SPNS2: variants seen among roughly 807,000 people sequenced by gnomAD.
SPNS2 encodes SPNS lysolipid transporter 2, sphingosine-1-phosphate.
In SPNS2, 37 loss-of-function variants were observed where a neutral mutation model predicts 57.6. That is an observed-to-expected ratio of 0.64 (90% CI 0.49 to 0.85). The LOEUF (loss-of-function observed/expected upper bound fraction) is 0.85, where lower values mean the gene tolerates loss of function less well. SPNS2 is among the 40% of genes least tolerant of loss of function. The pLI, the probability that SPNS2 is intolerant of heterozygous loss-of-function variation, is 0.00. For synonymous variants in SPNS2, 440 were observed against 346.9 expected, an observed-to-expected ratio of 1.27 and a Z score of -2.98; for missense variants, 831 against 779.1, an observed-to-expected ratio of 1.07 and a Z score of -0.79.
At chr17:4,525,027 GC>G (rs763993042) in intron 2 of SPNS2, 29 bp from the exon 3 acceptor site, 4 of 1,607,402 alleles carry the variant, frequency 2.5e-6, no homozygotes, top group South Asian at 1.1e-5. Context: ...AGGGACCTGG[GC>G]CCCCCCTCAA....
chr17:4,499,217 T>A lies in SPNS2; in HGVS notation c.170T>A (p.Val57Glu). ...GGAGTCTCGGCCGCGGGCGATGAGGTGCAGACGCTGTCGGGCAGCGTAAGG... is the reference window on the plus strand; with the variant it reads ...GGAGTCTCGGCCGCGGGCGATGAGGAGCAGACGCTGTCGGGCAGCGTAAGG... ...GAGVSAAGDE[V>E]QTLSGSVRRA... Residue 57 changes from valine (V) to glutamate (E), a missense_variant, in exon 1 of 13, where the codon GTG (valine) becomes GAG (glutamate). Val to Glu is a moderately radical substitution (Grantham distance 121, BLOSUM62 -2). Around this residue, in one of 2 missense-constraint regions of SPNS2, gnomAD observed 305 missense variants for 378.3 expected, o/e 0.81. Transcript: ENST00000329078. The surrounding 1 kb of genome is among the most constrained non-coding windows in gnomAD (Gnocchi z 5.2). 1 of 1,446,176 alleles carries A rather than the reference T, an allele frequency of 6.9e-7. No homozygotes were observed. Among genetic ancestry groups the A allele is most frequent in the Non-Finnish European group, 9.0e-7 (1 of 1,105,310 alleles). The allele number at this position is 1,446,176 out of a possible 1,614,324, so 89.6% of individuals were successfully genotyped here. A position where few individuals can be genotyped will look rare whatever the true frequency, so the allele number is the denominator to read the frequency against.
rs1675967209 is a variant in SPNS2, at chr17:4,537,571, CCT to C, written c.*128_*129del. 1 of 456,676 alleles carries C rather than the reference CCT, an allele frequency of 2.2e-6. No homozygotes were observed. 28.3% of individuals were successfully genotyped at this position (456,676 alleles called of 1,614,324 possible). A position where few individuals can be genotyped will look rare whatever the true frequency, so the allele number is the denominator to read the frequency against. On this transcript the variant is annotated 3_prime_UTR_variant, in exon 13 of 13. Transcript: ENST00000329078. ...GTGTGATCCACGGCTAGGCACCCAC[CCT>C]CTCTGGCCCAGGCCTGCTGAGTGGC...
chr17:4,501,302 G>T (rs1904501845), intron 1 of SPNS2, among the ~76,000 whole-genome samples: 1 of 151,634 alleles, frequency 6.6e-6, no homozygotes, highest in African/African-American at 2.4e-5. Context: ...TAGGGGAACT[G>T]CCTCTGCCAG....
At position 4,499,393 on chromosome 17, in the gene SPNS2, T is replaced by C. The variant is rs1407264420; in HGVS notation, c.346T>C (p.Tyr116His). The C allele has an allele frequency of 1.4e-6, 2 of 1,381,482 alleles. No individual in the cohort carries two copies. Among genetic ancestry groups the C allele is most frequent in the Non-Finnish European group, 1.9e-6 (2 of 1,067,600 alleles). The allele number at this position is 1,381,482 out of a possible 1,614,324, so 85.6% of individuals were successfully genotyped here. ...AILSLGNVLN[Y>H]LDRYTVAGVL... ...CCTCAGCTTGGGCAACGTGCTCAAC[T>C]ACCTGGACAGGTACACCGTGGCAGG... The change falls in exon 1 of 13, where the codon TAC (tyrosine) becomes CAC (histidine). Residue 116 changes from tyrosine to histidine, a missense_variant. Around this residue, in one of 2 missense-constraint regions of SPNS2, gnomAD observed 305 missense variants for 378.3 expected, o/e 0.81. Coordinates refer to ENST00000329078, the MANE Select transcript of SPNS2 (RefSeq NM_001124758.3). The surrounding 1 kb of genome is among the most constrained non-coding windows in gnomAD (Gnocchi z 5.2).
rs1172491858 is a variant in SPNS2 at position 4,536,852 on chromosome 17, CGGCCCCCGCTGATGCACCACCCT to C, written c.1608-46_1608-24del. 6 of 1,529,324 alleles carry C rather than the reference CGGCCCCCGCTGATGCACCACCCT, an allele frequency of 3.9e-6. No individual in the cohort carries two copies. The East Asian group carries it at 6.8e-5, about 17-fold the overall frequency. The allele number at this position is 1,529,324 out of a possible 1,614,324, so 94.7% of individuals were successfully genotyped here. On this transcript the variant is annotated intron_variant, in intron 11 of 12. Coordinates refer to ENST00000329078, the MANE Select transcript of SPNS2 (RefSeq NM_001124758.3). ...GATGTGCCAGAGCAGTGCCCGGGCC[CGGCCCCCGCTGATGCACCACCCT>C]GACCCCCGCCCGTCTCTCCCCCAGG...
intron 1 of SPNS2, among the ~76,000 whole-genome samples, chr17:4,502,173 C>G (rs1215451355): frequency 6.6e-6 from 1 of 151,520 alleles, no homozygotes; most frequent in South Asian, 2.1e-4. Flanking sequence ...GTCGGAAGTT[C>G]GAGACCAGCC....
At chr17:4,515,706 G>A (rs150823720) in intron 2 of SPNS2, among the ~76,000 whole-genome samples, 7 of 152,372 alleles carry the variant, frequency 4.6e-5, no homozygotes, top group Non-Finnish European at 1.0e-4. Flanking sequence ...GCCCGATAAG[G>A]TCGGAGCCAG....
At chr17:4,504,842 G>A (rs1904631712) in intron 1 of SPNS2, among the ~76,000 whole-genome samples, 1 of 152,164 alleles carries the variant, frequency 6.6e-6, no homozygotes, top group Admixed American at 6.5e-5. Context: ...GACTCTCTCT[G>A]ATCCCTGAAT....
rs1179688352 is a variant in SPNS2 at position 4,538,515 on chromosome 17, C to A, written c.*1067C>A. On this transcript the variant is annotated 3_prime_UTR_variant, in exon 13 of 13. Transcript: ENST00000329078. ...ATCACCCACCTCCCATCCATGCACA[C>A]ACCAGGATGCAGCTGCCAACTTCAC... 2 of 308,480 alleles carry A rather than the reference C, an allele frequency of 6.5e-6. No individual in the cohort carries two copies. Among genetic ancestry groups the A allele is most frequent in the Non-Finnish European group, 1.2e-5 (2 of 162,106 alleles). 19.1% of individuals were successfully genotyped at this position (308,480 alleles called of 1,614,324 possible). A position where few individuals can be genotyped will look rare whatever the true frequency, so the allele number is the denominator to read the frequency against.
intron 2 of SPNS2, among the ~76,000 whole-genome samples, chr17:4,513,773 C>A (rs531281386): frequency 6.6e-6 from 1 of 152,190 alleles, no homozygotes; most frequent in African/African-American, 2.4e-5. Context: ...TCTTAGGTGA[C>A]GAAGCAAAAA....
At chr17:4,528,272 C>G (rs1448855950) in intron 3 of SPNS2, among the ~76,000 whole-genome samples, 4 of 152,034 alleles carry the variant, frequency 2.6e-5, no homozygotes, top group Non-Finnish European at 5.9e-5. Flanking sequence ...ATCCTACCGC[C>G]TCAGCCTCCT....
intron 3 of SPNS2, 101 bp downstream of exon 3, chr17:4,525,294 G>C: frequency 6.7e-7 from 1 of 1,486,720 alleles, no homozygotes; most frequent in Non-Finnish European, 9.1e-7. Flanking sequence ...AGGGCTTCCA[G>C]CTCCTTTGCT....
intron 1 of SPNS2, among the ~76,000 whole-genome samples, chr17:4,507,816 G>A (rs1280426059): frequency 1.3e-5 from 2 of 152,224 alleles, no homozygotes; most frequent in African/African-American, 4.8e-5. Context: ...TAGGAAGGAA[G>A]AGACCTCAGG....
At chr17:4,534,527 G>C (rs1905671574) in intron 9 of SPNS2, 1 of 153,586 alleles carries the variant, frequency 6.5e-6, no homozygotes, top group African/African-American at 2.4e-5. Flanking sequence ...CTCTGGGGCA[G>C]AGAGGAAGGA....
chr17:4,536,842 T>C (rs1905850135), intron 11 of SPNS2, 58 bp from the exon 12 acceptor site: 1 of 1,436,672 alleles, frequency 7.0e-7, no homozygotes. Flanking sequence ...GCCAGAGCAG[T>C]GCCCGGGCCC....
chr17:4,532,836 T>A lies in SPNS2; in HGVS notation c.936-141T>A, dbSNP rs908536491. The A allele has an allele frequency of 3.3e-5, 48 of 1,459,730 alleles. No individual in the cohort carries two copies. The Admixed American group carries it at 4.4e-4, about 13-fold the overall frequency. 90.4% of individuals were successfully genotyped at this position (1,459,730 alleles called of 1,614,324 possible). A position where few individuals can be genotyped will look rare whatever the true frequency, so the allele number is the denominator to read the frequency against. The stretch of plus-strand genomic sequence containing the variant: ...AGGGACATTTTGGCCCCAGAATCGA[T>A]TATTCCTGCAGCCTGAACCCTCACC... On this transcript the variant is annotated intron_variant, in intron 6 of 12. Coordinates refer to ENST00000329078, the MANE Select transcript of SPNS2 (RefSeq NM_001124758.3).
At chr17:4,506,171 T>C (rs371032190) in intron 1 of SPNS2, among the ~76,000 whole-genome samples, 150 of 152,200 alleles carry the variant, frequency 9.9e-4, no homozygotes, top group African/African-American at 3.3e-3. Context: ...GCAGCCTCTG[T>C]CCCGCTCACC....
At position 4,525,228 on chromosome 17, in the gene SPNS2, G is replaced by A. The variant is rs747263975; in HGVS notation, c.573+35G>A. 1.9e-6 allele frequency: 3 copies of A among 1,607,520 alleles called. No individual in the cohort carries two copies. The Admixed American group carries it at 5.0e-5, about 27-fold the overall frequency. On this transcript the variant is annotated intron_variant, in intron 3 of 12. Coordinates refer to ENST00000329078, the MANE Select transcript of SPNS2 (RefSeq NM_001124758.3). ...GGCTCGGCTTCTCCCCGACCCCTGTGTCCTGGTCCCTCCAGCGAGTGGCTA... is the reference window on the plus strand; with the variant it reads ...GGCTCGGCTTCTCCCCGACCCCTGTATCCTGGTCCCTCCAGCGAGTGGCTA...
In SPNS2 at chr17:4,533,779, C is replaced by G; in HGVS notation, c.1279-9C>G. On this transcript the variant is annotated splice_polypyrimidine_tract_variant and intron_variant, in intron 8 of 12. Coordinates refer to ENST00000329078, the MANE Select transcript of SPNS2 (RefSeq NM_001124758.3). ...ACCGCTGATGGTGGCTTTGCCTTCT[C>G]CCCGGCAGATCTGTATCTTCGTCGG... 11 of 1,613,700 alleles carry G rather than the reference C, an allele frequency of 6.8e-6. No homozygotes were observed. Among genetic ancestry groups the G allele is most frequent in the Non-Finnish European group, 9.3e-6 (11 of 1,180,010 alleles).
Sources: gnomAD v4.1 joint callset for allele counts (sites outside exome capture counted in the v4.1 genomes callset) on GRCh38, gnomAD v4.1.1 for gene constraint, gnomAD v4.1.1 regional missense constraint, Gnocchi (gnomAD v3.1) non-coding constraint, MANE v1.5 for transcripts, NCBI Gene and HGNC (gene_info 2026-07-23, HGNC 2026-07-21) for gene names.